The following GRIK2 variants were observed in gnomAD, a reference collection of about 807,000 sequenced individuals.
The protein encoded by GRIK2 is glutamate ionotropic receptor kainate type subunit 2.
GRIK2 carries 32 observed loss-of-function variants against 100.3 expected under a neutral mutation model. The ratio of observed to expected loss-of-function variants is 0.32; its 90% confidence interval spans 0.24 to 0.43. GRIK2 has a LOEUF of 0.43. GRIK2 is among the 20% of genes least tolerant of loss of function. The pLI is 1.00. For synonymous variants in GRIK2, 417 were observed against 389.4 expected, an observed-to-expected ratio of 1.07 and a Z score of -0.83; for missense variants, 843 against 1,114.9, an observed-to-expected ratio of 0.76 and a Z score of 3.47.
intron 2 of GRIK2, among the ~76,000 whole-genome samples, chr6:101,427,736 G>GATTTTTAC (rs879308945): frequency 3.9e-5 from 6 of 152,112 alleles, no homozygotes; most frequent in Non-Finnish European, 8.8e-5. Flanking sequence ...ATTCATTTAG[G>GATTTTTAC]TGAATTGGTC....
chr6:101,597,290 G>A (rs1179048946), intron 2 of GRIK2, among the ~76,000 whole-genome samples: 1 of 151,668 alleles, frequency 6.6e-6, no homozygotes. Context: ...TACTACCTGG[G>A]TGACAGAATC....
chr6:102,022,509 A>G (rs190087582), intron 14 of GRIK2, among the ~76,000 whole-genome samples: 1 of 151,808 alleles, frequency 6.6e-6, no homozygotes, highest in Admixed American at 6.6e-5. Flanking sequence ...CCCGTGTGGC[A>G]GAGTGACGGC....
chr6:101,495,173 C>A (rs1398907457), intron 2 of GRIK2, among the ~76,000 whole-genome samples: 1 of 151,650 alleles, frequency 6.6e-6, no homozygotes, highest in Non-Finnish European at 1.5e-5. Flanking sequence ...ATCTATTTAT[C>A]TAAATTCCTA....
At chr6:101,654,184 T>G (rs1781948727) in intron 4 of GRIK2, among the ~76,000 whole-genome samples, 1 of 152,160 alleles carries the variant, frequency 6.6e-6, no homozygotes, top group Non-Finnish European at 1.5e-5. Flanking sequence ...TGACCCCATA[T>G]GAGTGGGGCT....
At chr6:101,951,820 C>T (rs1412439310) in intron 14 of GRIK2, among the ~76,000 whole-genome samples, 2 of 152,166 alleles carry the variant, frequency 1.3e-5, no homozygotes, top group Non-Finnish European at 2.9e-5. Context: ...GTGAAGCCTC[C>T]CCAGCCAAGT....
intron 15 of GRIK2, among the ~76,000 whole-genome samples, chr6:102,038,689 A>G (rs554000398): frequency 2.7e-5 from 4 of 147,002 alleles, no homozygotes; most frequent in Non-Finnish European, 6.1e-5. Context: ...GGTGTGAAAA[A>G]TATTCCTTGA....
At chr6:101,662,956 G>T (rs1036308755) in intron 4 of GRIK2, among the ~76,000 whole-genome samples, 1 of 151,976 alleles carries the variant, frequency 6.6e-6, no homozygotes, top group African/African-American at 2.4e-5. Flanking sequence ...TAACATGTAT[G>T]TTCAATAAGC....
At chr6:101,932,650 G>A (rs892973176) in intron 14 of GRIK2, among the ~76,000 whole-genome samples, 2 of 151,182 alleles carry the variant, frequency 1.3e-5, no homozygotes, top group Admixed American at 6.6e-5. Flanking sequence ...GTTCCTGTAT[G>A]TTTCCATACT....
At chr6:101,732,081 G>A (rs1775309985) in intron 7 of GRIK2, among the ~76,000 whole-genome samples, 1 of 151,834 alleles carries the variant, frequency 6.6e-6, no homozygotes, top group South Asian at 2.1e-4. Context: ...ACATTTGTCA[G>A]TTCTTTGTGT....
chr6:101,897,519 G>T (rs1474115235), intron 12 of GRIK2, among the ~76,000 whole-genome samples: 1 of 151,664 alleles, frequency 6.6e-6, no homozygotes, highest in Non-Finnish European at 1.5e-5. Flanking sequence ...CTTTTTGGAA[G>T]CTTTCTCAGT....
At chr6:101,626,925 T>TATAG (rs749537226) in intron 4 of GRIK2, among the ~76,000 whole-genome samples, 8 of 151,826 alleles carry the variant, frequency 5.3e-5, no homozygotes, top group South Asian at 4.1e-4. Context: ...TAAACAATAT[T>TATAG]ATAGATAGAT....
At chr6:101,635,597 A>G (rs982509397) in intron 4 of GRIK2, among the ~76,000 whole-genome samples, 7 of 152,184 alleles carry the variant, frequency 4.6e-5, no homozygotes, top group African/African-American at 1.7e-4. Flanking sequence ...AATTTTTGCA[A>G]TCTATCCATC....
At chr6:101,519,300 C>CGTGTGTGTGT (rs55646921) in intron 2 of GRIK2, among the ~76,000 whole-genome samples, 210 of 141,042 alleles carry the variant, frequency 1.5e-3, no homozygotes, top group African/African-American at 4.3e-3. Flanking sequence ...CGGAGTTAAA[C>CGTGTGTGTGT]GTGTGTGTGT....
At chr6:101,707,648 CA>C (rs1209833150) in intron 7 of GRIK2, among the ~76,000 whole-genome samples, 1 of 145,062 alleles carries the variant, frequency 6.9e-6, no homozygotes, top group African/African-American at 2.6e-5. Context: ...AATAGTCCCC[CA>C]GAAAGTAAAA....
chr6:101,894,964 C>G (rs187828840), intron 12 of GRIK2, among the ~76,000 whole-genome samples: 1 of 151,736 alleles, frequency 6.6e-6, no homozygotes, highest in Admixed American at 6.6e-5. Context: ...AATAATTATT[C>G]ACTAAGTCTT....
intron 2 of GRIK2, among the ~76,000 whole-genome samples, chr6:101,450,952 G>T (rs1055358213): frequency 2.0e-5 from 3 of 151,580 alleles, no homozygotes; most frequent in Non-Finnish European, 4.4e-5. Flanking sequence ...AAAACTGGAG[G>T]ATTCTATTTG....
chr6:101,729,801 A>C (rs964656680), intron 7 of GRIK2, among the ~76,000 whole-genome samples: 3 of 151,936 alleles, frequency 2.0e-5, no homozygotes, highest in Admixed American at 6.6e-5. Context: ...GTATTGTGAA[A>C]ATAGATTTGT....
chr6:101,496,293 T>A (rs1217521014), intron 2 of GRIK2, among the ~76,000 whole-genome samples: 1 of 152,164 alleles, frequency 6.6e-6, no homozygotes, highest in Non-Finnish European at 1.5e-5. Context: ...TATGCCTACA[T>A]GACCAAAAAT....
intron 4 of GRIK2, among the ~76,000 whole-genome samples, chr6:101,673,393 T>A (rs1000318053): frequency 3.3e-5 from 5 of 152,168 alleles, no homozygotes; most frequent in African/African-American, 1.2e-4. Flanking sequence ...CTCCATAATC[T>A]GAGCAATTCT....
Sources: allele counts gnomAD v4.1 joint callset (sites outside exome capture counted in the v4.1 genomes callset), GRCh38; gene constraint gnomAD v4.1.1; transcripts MANE v1.5; gene names NCBI Gene and HGNC (gene_info 2026-07-23, HGNC 2026-07-21).